ITM2B: variants seen among roughly 807,000 people sequenced by gnomAD.
The protein encoded by ITM2B is ABri/ADan amyloid peptide.
In ITM2B, 11 loss-of-function variants were observed where a neutral mutation model predicts 27.8. The ratio of observed to expected loss-of-function variants is 0.40; its 90% CI spans 0.25 to 0.66. ITM2B has a LOEUF of 0.66. Among genes scored for constraint, ITM2B ranks in the 30% least tolerant of loss-of-function variants. The probability of loss-of-function intolerance (pLI) is 0.43; values close to 1 mark genes in which losing one functional copy is unlikely to be tolerated. For synonymous variants in ITM2B, 114 were observed against 114.3 expected, an observed-to-expected ratio of 1.00 and a Z score of 0.02; for missense variants, 296 against 328.9, an observed-to-expected ratio of 0.90 and a Z score of 0.77.
At chr13:48,256,975 C>T (rs12184721) in intron 3 of ITM2B, among the ~76,000 whole-genome samples, 2 of 152,150 alleles carry the variant, frequency 1.3e-5, no homozygotes, top group Non-Finnish European at 2.9e-5. Flanking sequence ...GTAGTCCCCC[C>T]TTATCCGTGG....
intron 3 of ITM2B, 84 bp downstream of exon 3, chr13:48,256,467 TTTA>T (rs1446826416): frequency 9.5e-7 from 1 of 1,049,700 alleles, no homozygotes; most frequent in Admixed American, 1.8e-5. Context: ...TATTTGCTAA[TTTA>T]TTATATTTAG....
At chr13:48,260,710 T>A (rs1390099586) in intron 5 of ITM2B, among the ~76,000 whole-genome samples, 1 of 152,202 alleles carries the variant, frequency 6.6e-6, no homozygotes, top group Non-Finnish European at 1.5e-5. Flanking sequence ...GATTTCTTTT[T>A]TATTGCTGTG....
chr13:48,240,447 AACT>A (rs1163502408), intron 1 of ITM2B, among the ~76,000 whole-genome samples: 16 of 152,042 alleles, frequency 1.1e-4, no homozygotes, highest in Non-Finnish European at 4.4e-5. Flanking sequence ...CCTCTTGATC[AACT>A]ACTATTATTA....
intron 1 of ITM2B, among the ~76,000 whole-genome samples, chr13:48,247,696 G>C (rs1225725407): frequency 6.6e-6 from 1 of 152,122 alleles, no homozygotes; most frequent in African/African-American, 2.4e-5. Flanking sequence ...AAAAGAATTT[G>C]TCCTTCATTT....
At position 48,263,845 on chromosome 13, in the gene ITM2B, C is replaced by T. The variant is rs573109184; in HGVS notation, c.*2621C>T. 7.2e-5 allele frequency: 11 copies of T among 152,068 alleles called. No individual in the cohort carries two copies. Among genetic ancestry groups the T allele is most frequent in the Non-Finnish European group, 1.6e-4 (11 of 68,040 alleles). The allele number at this position is 152,068 out of a possible 1,614,324, so 9.4% of individuals were successfully genotyped here. ...CATGACCTAACACCTCTCAAAGGCC[C>T]CATTTCCTAATACTGTCACCTTGGG... On this transcript the variant is annotated 3_prime_UTR_variant, in exon 6 of 6. Coordinates refer to ENST00000647800, the MANE Select transcript of ITM2B (RefSeq NM_021999.5).
chr13:48,256,949 A>G (rs916906119), intron 3 of ITM2B, among the ~76,000 whole-genome samples: 6 of 152,188 alleles, frequency 3.9e-5, no homozygotes, highest in Admixed American at 1.3e-4. Context: ...GAAAATTAAC[A>G]TGATCTTATA....
chr13:48,255,634 G>A (rs1187365234), intron 2 of ITM2B, among the ~76,000 whole-genome samples: 1 of 152,132 alleles, frequency 6.6e-6, no homozygotes, highest in Non-Finnish European at 1.5e-5. Context: ...GTAAAAGTGA[G>A]ACAGTAGCAT....
rs942475327 is a variant in ITM2B, at chr13:48,233,253, C to A, written c.-108C>A. The A allele has an allele frequency of 3.1e-6, 2 of 645,444 alleles. No homozygotes were observed. The highest frequency in any genetic ancestry group is 2.0e-5 in the African/African-American group (1 of 50,768). The allele number at this position is 645,444 out of a possible 1,614,324, so 40.0% of individuals were successfully genotyped here. On this transcript the variant is annotated 5_prime_UTR_variant, in exon 1 of 6. Transcript: ENST00000647800. ...GAGCTTCCCGAACCTCTTCAGCCGC[C>A]CGGAGCCGCTCCCGGAGCCCGGCCG... is the stretch of plus-strand genomic sequence containing the variant.
At chr13:48,240,207 T>G (rs1039981714) in intron 1 of ITM2B, among the ~76,000 whole-genome samples, 1 of 152,114 alleles carries the variant, frequency 6.6e-6, no homozygotes, top group African/African-American at 2.4e-5. Context: ...ACTGTTATTT[T>G]TATTTATTTT....
intron 2 of ITM2B, among the ~76,000 whole-genome samples, chr13:48,255,833 G>A (rs570119739): frequency 6.6e-6 from 1 of 152,098 alleles, no homozygotes; most frequent in African/African-American, 2.4e-5. Flanking sequence ...ACTAGTTTTG[G>A]AATGTATTCT....
chr13:48,234,845 A>G (rs1250221338), intron 1 of ITM2B, among the ~76,000 whole-genome samples: 1 of 152,206 alleles, frequency 6.6e-6, no homozygotes, highest in Admixed American at 6.5e-5. Flanking sequence ...AGCCATTGCA[A>G]ACAATCTTGG....
intron 1 of ITM2B, among the ~76,000 whole-genome samples, chr13:48,237,188 A>G (rs1046614607): frequency 3.9e-5 from 6 of 152,126 alleles, no homozygotes; most frequent in African/African-American, 1.4e-4. Flanking sequence ...TATAATGTTG[A>G]TATAATGCTC....
chr13:48,234,309 T>A (rs1951654339), intron 1 of ITM2B, among the ~76,000 whole-genome samples: 1 of 152,180 alleles, frequency 6.6e-6, no homozygotes, highest in African/African-American at 2.4e-5. Flanking sequence ...CTGTGTTGAC[T>A]TTTAGTAGGT....
At chr13:48,245,171 C>T (rs879924934) in intron 1 of ITM2B, among the ~76,000 whole-genome samples, 4 of 152,118 alleles carry the variant, frequency 2.6e-5, no homozygotes, top group Non-Finnish European at 5.9e-5. Flanking sequence ...ACTGAAAATA[C>T]AACAGTTAGC....
chr13:48,254,446 T>C (rs553176060), intron 2 of ITM2B, among the ~76,000 whole-genome samples: 4 of 152,284 alleles, frequency 2.6e-5, no homozygotes, highest in East Asian at 1.9e-4. Flanking sequence ...TGAAATAACA[T>C]AGGATGAAAG....
chr13:48,257,660 A>C lies in ITM2B; in HGVS notation c.454-466A>C, dbSNP rs1001962258. Among the ~76,000 whole-genome samples, 3 of 152,312 alleles carry C rather than the reference A, an allele frequency of 2.0e-5. No individual in the cohort carries two copies. In the East Asian group the frequency reaches 5.8e-4, roughly 29 times the overall value. ...AGTTATTCTTAAAAACCGTTCTATG[A>C]GACAGTCTTTCTCAACCAGCGTTTC... On this transcript the variant is annotated intron_variant, in intron 3 of 5. Coordinates refer to ENST00000647800, the MANE Select transcript of ITM2B (RefSeq NM_021999.5).
At position 48,253,799 on chromosome 13, in the gene ITM2B, A is replaced by G; in HGVS notation, c.118-9A>G. The G allele has an allele frequency of 3.7e-6, 6 of 1,613,492 alleles. No individual in the cohort carries two copies. Among genetic ancestry groups the G allele is most frequent in the Middle Eastern group, 1.7e-4 (1 of 6,058 alleles). Reference sequence around the variant, plus strand: ...GATAAGATATTTAACTGTCTTTTTCATATTTTAGGACCCAGATGATGTGGT... The same window carrying G: ...GATAAGATATTTAACTGTCTTTTTCGTATTTTAGGACCCAGATGATGTGGT... On this transcript the variant is annotated splice_polypyrimidine_tract_variant and intron_variant, in intron 1 of 5. Transcript: ENST00000647800.
chr13:48,266,321 C>G lies in ITM2B; in HGVS notation c.*5097C>G, dbSNP rs1390730015. 1.3e-5 allele frequency: 2 copies of G among 152,306 alleles called. No individual in the cohort carries two copies. The highest frequency in any genetic ancestry group is 2.9e-5 in the Non-Finnish European group (2 of 68,118). The allele number at this position is 152,306 out of a possible 1,614,324, so 9.4% of individuals were successfully genotyped here. On this transcript the variant is annotated 3_prime_UTR_variant, in exon 6 of 6. Transcript: ENST00000647800. ...CCTGAAACAGTTGTCTCTGTCCCCA[C>G]TCTACCCCCTGCCCTCCACAAAGAA...
chr13:48,235,503 A>T (rs567803203), intron 1 of ITM2B, among the ~76,000 whole-genome samples: 1 of 152,338 alleles, frequency 6.6e-6, no homozygotes, highest in South Asian at 2.1e-4. Context: ...TCTTTAGGGG[A>T]TGACAAAATA....
Sources: allele counts gnomAD v4.1 joint callset (sites outside exome capture counted in the v4.1 genomes callset), GRCh38; gene constraint gnomAD v4.1.1; transcripts MANE v1.5; gene names NCBI Gene and HGNC (gene_info 2026-07-23, HGNC 2026-07-21).